The following CCSER1 variants were observed in gnomAD, a reference collection of about 807,000 sequenced individuals.
CCSER1 encodes serine-rich coiled-coil domain-containing protein 1.
Under a neutral mutation model 82.0 loss-of-function variants are expected in CCSER1, and 41 were observed. The ratio of observed to expected loss-of-function variants is 0.50; its 90% CI spans 0.39 to 0.65. CCSER1 has a LOEUF of 0.65. Ranked by LOEUF, CCSER1 falls within the 30% of genes least tolerant of loss-of-function variation. The pLI is 0.00. For synonymous variants in CCSER1, 414 were observed against 383.9 expected, an observed-to-expected ratio of 1.08 and a Z score of -0.92; for missense variants, 1,119 against 1,064.2, an observed-to-expected ratio of 1.05 and a Z score of -0.72.
intron 10 of CCSER1, among the ~76,000 whole-genome samples, chr4:91,215,074 G>C (rs946893616): frequency 1.3e-5 from 2 of 151,936 alleles, no homozygotes; most frequent in South Asian, 2.1e-4. Context: ...TATATAAAGG[G>C]TATCCAGTGT....
intron 7 of CCSER1, among the ~76,000 whole-genome samples, chr4:90,787,359 T>C (rs1754654850): frequency 6.6e-6 from 1 of 152,234 alleles, no homozygotes; most frequent in African/African-American, 2.4e-5. Flanking sequence ...CACGGAGTTA[T>C]GAGCCAGGAA....
At chr4:90,673,830 AT>A (rs1267646151) in intron 6 of CCSER1, among the ~76,000 whole-genome samples, 2 of 152,040 alleles carry the variant, frequency 1.3e-5, no homozygotes, top group African/African-American at 4.8e-5. Context: ...TAGTCCTCAA[AT>A]AAAAAGGACT....
chr4:90,195,444 A>T (rs1283992642), intron 1 of CCSER1, among the ~76,000 whole-genome samples: 2 of 152,066 alleles, frequency 1.3e-5, no homozygotes, highest in Non-Finnish European at 2.9e-5. Context: ...GTTTCCAGGG[A>T]TATCCAGGGA....
chr4:91,062,427 T>C (rs1051243904), intron 9 of CCSER1, among the ~76,000 whole-genome samples: 1 of 152,108 alleles, frequency 6.6e-6, no homozygotes, highest in Non-Finnish European at 1.5e-5. Context: ...AGGATGGTGA[T>C]ACCCAACTTC....
At chr4:90,900,378 C>T (rs1359557234) in intron 8 of CCSER1, among the ~76,000 whole-genome samples, 2 of 151,794 alleles carry the variant, frequency 1.3e-5, no homozygotes, top group Non-Finnish European at 2.9e-5. Context: ...AGCTAGTGGT[C>T]TATCAATTTT....
chr4:90,321,292 A>G (rs1173705671), intron 3 of CCSER1, among the ~76,000 whole-genome samples: 1 of 152,120 alleles, frequency 6.6e-6, no homozygotes, highest in African/African-American at 2.4e-5. Context: ...TAGCTCCTGT[A>G]TATGAGTAAG....
intron 10 of CCSER1, among the ~76,000 whole-genome samples, chr4:91,194,385 A>T (rs1735239245): frequency 6.6e-6 from 1 of 152,326 alleles, no homozygotes; most frequent in Non-Finnish European, 1.5e-5. Flanking sequence ...GATAAGCCAA[A>T]ATATAATTCT....
chr4:90,747,702 G>A (rs146736411), intron 7 of CCSER1, among the ~76,000 whole-genome samples: 1,614 of 151,216 alleles, frequency 0.011, 30 homozygotes, highest in African/African-American at 0.037. Context: ...TGCACGATGT[G>A]CAGGTTAGTT....
rs80139420 is a variant in CCSER1, at chr4:90,750,462, A to G, written c.2010+26471A>G. Among the ~76,000 whole-genome samples, 361 of 152,150 alleles carry G rather than the reference A, an allele frequency of 2.4e-3. 3 individuals carry two copies. The highest frequency in any genetic ancestry group is 4.1e-3 in the Non-Finnish European group (278 of 68,000). The stretch of plus-strand genomic sequence containing the variant: ...CAGCTTTTCTAAGGTCCCAGAGTAA[A>G]TGTGGGGTTGTTTGAGGGCAAGGAG... On this transcript the variant is annotated intron_variant, in intron 7 of 10. Transcript: ENST00000509176.
chr4:90,723,585 A>G (rs1413288097), intron 6 of CCSER1, among the ~76,000 whole-genome samples: 1 of 151,882 alleles, frequency 6.6e-6, no homozygotes, highest in Non-Finnish European at 1.5e-5. Flanking sequence ...TATTACAGAT[A>G]CAGTTTAATT....
intron 10 of CCSER1, among the ~76,000 whole-genome samples, chr4:91,344,176 A>G (rs543849079): frequency 1.3e-5 from 2 of 152,260 alleles, no homozygotes; most frequent in South Asian, 4.1e-4. Flanking sequence ...TATAAAAGGG[A>G]TCTGAGAGAG....
intron 4 of CCSER1, among the ~76,000 whole-genome samples, chr4:90,457,473 A>G (rs1294727996): frequency 1.3e-5 from 2 of 152,184 alleles, no homozygotes; most frequent in Non-Finnish European, 2.9e-5. Context: ...CAAGGTGAGC[A>G]AGGCAAAGAG....
intron 10 of CCSER1, among the ~76,000 whole-genome samples, chr4:91,466,044 CA>C (rs1397581375): frequency 6.6e-6 from 1 of 152,058 alleles, no homozygotes; most frequent in South Asian, 2.1e-4. Context: ...GGCAGAGCCA[CA>C]GCAAAAAAAG....
chr4:90,628,421 T>TA (rs1475465031), intron 6 of CCSER1, among the ~76,000 whole-genome samples, 189 bp downstream of exon 6: 2 of 152,150 alleles, frequency 1.3e-5, no homozygotes, highest in Non-Finnish European at 2.9e-5. Flanking sequence ...AGGTACTCTT[T>TA]AGCCTTAAAA....
At chr4:90,994,574 T>A (rs552392105) in intron 9 of CCSER1, among the ~76,000 whole-genome samples, 102 of 143,772 alleles carry the variant, frequency 7.1e-4, no homozygotes, top group African/African-American at 2.2e-3. Context: ...CACAAAAACG[T>A]ATGAGTCTAT....
chr4:90,917,637 A>C (rs1004006928), intron 8 of CCSER1, among the ~76,000 whole-genome samples: 3 of 152,132 alleles, frequency 2.0e-5, no homozygotes, highest in African/African-American at 7.2e-5. Flanking sequence ...CTTTGTGCAC[A>C]TGTACCCTAG....
intron 10 of CCSER1, among the ~76,000 whole-genome samples, chr4:91,550,397 T>A (rs913170036): frequency 6.6e-6 from 1 of 152,178 alleles, no homozygotes; most frequent in Non-Finnish European, 1.5e-5. Flanking sequence ...AATTACAGTT[T>A]AGATTTTCCT....
chr4:91,087,592 A>T (rs1163689233), intron 10 of CCSER1, among the ~76,000 whole-genome samples: 2 of 152,096 alleles, frequency 1.3e-5, no homozygotes, highest in Non-Finnish European at 2.9e-5. Context: ...CAAAATTGTA[A>T]TAATTTACAA....
chr4:90,623,182 C>T (rs1183544685), intron 5 of CCSER1, among the ~76,000 whole-genome samples: 1 of 150,966 alleles, frequency 6.6e-6, no homozygotes, highest in Non-Finnish European at 1.5e-5. Flanking sequence ...CACCCGCCAC[C>T]ACTCCCGGCT....
Sources: gnomAD v4.1 joint callset for allele counts (sites outside exome capture counted in the v4.1 genomes callset) on GRCh38, gnomAD v4.1.1 for gene constraint, MANE v1.5 for transcripts, NCBI Gene and HGNC (gene_info 2026-07-23, HGNC 2026-07-21) for gene names.